Variants in NSG2 observed in about 807,000 individuals in gnomAD.
The protein encoded by NSG2 is neuronal vesicle trafficking-associated protein 2.
A neutral mutation model predicts 16.9 loss-of-function variants in NSG2; 4 were observed. The observed-to-expected ratio is 0.24, with a 90% CI of 0.12 to 0.54. NSG2 has a LOEUF of 0.54. Among genes scored for constraint, NSG2 ranks in the 20% least tolerant of loss-of-function variants. The pLI is 0.95. For missense variants in NSG2, 179 were observed against 221.1 expected, an observed-to-expected ratio of 0.81 and a Z score of 1.21; for synonymous variants, 98 against 88.7, an observed-to-expected ratio of 1.11 and a Z score of -0.59.
intron 2 of NSG2, among the ~76,000 whole-genome samples, chr5:174,052,806 G>C (rs570848192): frequency 6.6e-6 from 1 of 152,172 alleles, no homozygotes; most frequent in South Asian, 2.1e-4. Context: ...CTGCATGCAC[G>C]TGTGCTGGGA....
At chr5:174,065,330 A>G (rs1319686664) in intron 3 of NSG2, among the ~76,000 whole-genome samples, 1 of 151,656 alleles carries the variant, frequency 6.6e-6, no homozygotes. Flanking sequence ...TCCGTCTCAA[A>G]AAAAAAAAAA....
chr5:174,056,988 C>T (rs1249542602), intron 2 of NSG2, among the ~76,000 whole-genome samples: 1 of 152,178 alleles, frequency 6.6e-6, no homozygotes, highest in Non-Finnish European at 1.5e-5. Flanking sequence ...TTTCACAATG[C>T]CAATTATATT....
intron 3 of NSG2, among the ~76,000 whole-genome samples, chr5:174,094,319 G>A (rs1263544398): frequency 6.6e-6 from 1 of 152,170 alleles, no homozygotes; most frequent in Non-Finnish European, 1.5e-5. Flanking sequence ...GCTCATTATT[G>A]AATAGTCAAT....
At chr5:174,101,253 G>T (rs1760892785) in intron 3 of NSG2, among the ~76,000 whole-genome samples, 1 of 152,234 alleles carries the variant, frequency 6.6e-6, no homozygotes, top group Non-Finnish European at 1.5e-5. Flanking sequence ...AGCTGCAGGT[G>T]CCAGGATGCT....
intron 3 of NSG2, among the ~76,000 whole-genome samples, chr5:174,065,300 C>CCTGGATG (rs1760121304): frequency 6.6e-6 from 1 of 150,988 alleles, no homozygotes. Flanking sequence ...TGCACTCCAG[C>CCTGGATG]CTGGATGACA....
intron 2 of NSG2, among the ~76,000 whole-genome samples, chr5:174,061,264 C>T (rs553828743): frequency 6.6e-6 from 1 of 152,178 alleles, no homozygotes; most frequent in South Asian, 2.1e-4. Context: ...TTTTCTGTAC[C>T]ACTTCATAAT....
Position 174,107,168 on chromosome 5 carries a change from T to C in NSG2, c.325-146T>C, listed in dbSNP as rs1201924555. ...CTGGTGCTGGTGTTGGGAAGGCTGC[T>C]GCGTGCCAGGCCCAGGTCAGGAGCT... On this transcript the variant is annotated intron_variant, in intron 4 of 4. Transcript: ENST00000303177. This position sits in a 1 kb window ranked among gnomAD's most constrained non-coding sequence, Gnocchi z 4.5. 1.7e-6 allele frequency: 1 copy of C among 601,670 alleles called. No individual in the cohort carries two copies. The highest frequency in any genetic ancestry group is 1.9e-5 in the African/African-American group (1 of 53,702). 37.3% of individuals were successfully genotyped at this position (601,670 alleles called of 1,614,324 possible).
Position 174,102,941 on chromosome 5 carries a change from C to CT in NSG2, c.214-1268dup, listed in dbSNP as rs143473714. On this transcript the variant is annotated intron_variant, in intron 3 of 4. Coordinates refer to ENST00000303177, the MANE Select transcript of NSG2 (RefSeq NM_015980.5). ...TCACAGGTGCCTGCCACCACCCTGGCTTTTTTTTTTTTTTTTTTTGTATTT... is the reference window on the plus strand; with the variant it reads ...TCACAGGTGCCTGCCACCACCCTGGCTTTTTTTTTTTTTTTTTTTTGTATTT... Among the ~76,000 whole-genome samples the CT allele has an allele frequency of 8.5e-3, 946 of 111,674 alleles. 21 individuals are homozygous for CT. The highest frequency in any genetic ancestry group is 0.018 in the African/African-American group (472 of 26,392). The allele number at this position is 111,674 out of a possible 152,430, so 73.3% of individuals were successfully genotyped here.
intron 3 of NSG2, among the ~76,000 whole-genome samples, chr5:174,091,591 C>T (rs1224386484): frequency 6.7e-6 from 1 of 150,044 alleles, no homozygotes; most frequent in African/African-American, 2.5e-5. Flanking sequence ...AAGTGGGAGG[C>T]CGTGGGAGGC....
At chr5:174,049,308 C>T (rs913966463) in intron 2 of NSG2, among the ~76,000 whole-genome samples, 4 of 152,164 alleles carry the variant, frequency 2.6e-5, no homozygotes, top group African/African-American at 9.7e-5. Flanking sequence ...CCACTGCACT[C>T]CAGCCTGGGC....
rs375740614 is a variant in NSG2, at chr5:174,071,814, C to T, written c.213+7499C>T. ...AGGCTGTGCAGCTGGGCCACCTGCC[C>T]GGGTAGACAGGGTCAGGGAAGGTTG... On this transcript the variant is annotated intron_variant, in intron 3 of 4. Coordinates refer to ENST00000303177, the MANE Select transcript of NSG2 (RefSeq NM_015980.5). 4.1e-4 allele frequency among the ~76,000 whole-genome samples: 62 copies of T among 152,278 alleles called. No homozygotes were observed. In the South Asian group the frequency reaches 0.011, roughly 28 times the overall value.
intron 3 of NSG2, among the ~76,000 whole-genome samples, chr5:174,074,921 C>G (rs956085624): frequency 6.6e-6 from 1 of 152,010 alleles, no homozygotes; most frequent in African/African-American, 2.4e-5. Context: ...TTTTCCTTCT[C>G]TTCCTGCACC....
Position 174,083,830 on chromosome 5 carries a change from T to A in NSG2, c.213+19515T>A, listed in dbSNP as rs533654351. ...GTGACTGCTGCATTTGTCTACTTCC[T>A]TGACCTGCATAAGTGCCCTGTGATG... On this transcript the variant is annotated intron_variant, in intron 3 of 4. Transcript: ENST00000303177. 2.6e-5 allele frequency among the ~76,000 whole-genome samples: 4 copies of A among 152,362 alleles called. No homozygotes were observed. In the East Asian group the frequency reaches 7.7e-4, roughly 29 times the overall value.
Position 174,072,001 on chromosome 5 carries a change from C to T in NSG2, c.213+7686C>T, listed in dbSNP as rs891345002. On this transcript the variant is annotated intron_variant, in intron 3 of 4. Transcript: ENST00000303177. This position sits in a 1 kb window ranked among gnomAD's most constrained non-coding sequence, Gnocchi z 4.0. ...CAAGCCTCAACCCTGCTCACGTTCC[C>T]TCCAACACTAACAGGAGAAGAAGCA... 1.3e-5 allele frequency among the ~76,000 whole-genome samples: 2 copies of T among 152,188 alleles called. No homozygotes were observed. The highest frequency in any genetic ancestry group is 4.8e-5 in the African/African-American group (2 of 41,442).
In NSG2 at chr5:174,066,870, G is replaced by C. The variant is rs918828008; in HGVS notation, c.213+2555G>C. On this transcript the variant is annotated intron_variant, in intron 3 of 4. Transcript: ENST00000303177. Reference sequence around the variant, plus strand: ...CCGGGCGTAGTGGCGGGCGCCTGTAGTCCCAGCTACTTGGGAGGCTGAGGC... The same window carrying C: ...CCGGGCGTAGTGGCGGGCGCCTGTACTCCCAGCTACTTGGGAGGCTGAGGC... 8.0e-5 allele frequency among the ~76,000 whole-genome samples: 12 copies of C among 150,296 alleles called. No individual in the cohort carries two copies. The East Asian group carries it at 2.3e-3, about 29-fold the overall frequency.
intron 3 of NSG2, among the ~76,000 whole-genome samples, chr5:174,080,253 C>G (rs1760425139): frequency 6.6e-6 from 1 of 150,642 alleles, no homozygotes; most frequent in Admixed American, 6.6e-5. Flanking sequence ...CCTTTCACTC[C>G]TTACCCATTC....
At chr5:174,095,145 C>T (rs572913197) in intron 3 of NSG2, among the ~76,000 whole-genome samples, 2 of 152,188 alleles carry the variant, frequency 1.3e-5, no homozygotes, top group African/African-American at 4.8e-5. Context: ...CGGCAGTCTT[C>T]CTGAGTGGTT....
intron 3 of NSG2, among the ~76,000 whole-genome samples, chr5:174,083,323 A>G (rs1437460740): frequency 6.6e-6 from 1 of 152,242 alleles, no homozygotes; most frequent in Middle Eastern, 3.2e-3. Flanking sequence ...ATGGTAAAAT[A>G]TGAATGACAT....
In NSG2 at chr5:174,072,990, A is replaced by G. The variant is rs1760269749; in HGVS notation, c.213+8675A>G. On this transcript the variant is annotated intron_variant, in intron 3 of 4. Coordinates refer to ENST00000303177, the MANE Select transcript of NSG2 (RefSeq NM_015980.5). The surrounding 1 kb of genome is among the most constrained non-coding windows in gnomAD (Gnocchi z 4.0). The stretch of plus-strand genomic sequence containing the variant: ...CAGAGTGAGATCCTGTCTCAAATGA[A>G]TGAATGAATGAATGAATGCATAAGG... Among the ~76,000 whole-genome samples the G allele has an allele frequency of 6.6e-6, 1 of 152,172 alleles. No homozygotes were observed. The highest frequency in any genetic ancestry group is 1.5e-5 in the Non-Finnish European group (1 of 68,024).
Sources: gnomAD v4.1 joint callset for allele counts (sites outside exome capture counted in the v4.1 genomes callset) on GRCh38, gnomAD v4.1.1 for gene constraint, Gnocchi (gnomAD v3.1) non-coding constraint, MANE v1.5 for transcripts, NCBI Gene and HGNC (gene_info 2026-07-23, HGNC 2026-07-21) for gene names.